The following KIAA1549 variants were observed in gnomAD, a reference collection of about 807,000 sequenced individuals.
KIAA1549 encodes the protein KIAA1549, also known as UPF0606 protein KIAA1549.
A neutral mutation model predicts 156.4 loss-of-function variants in KIAA1549; 70 were observed. That is an observed-to-expected ratio of 0.45 (90% CI 0.37 to 0.55). The LOEUF (loss-of-function observed/expected upper bound fraction) is 0.55. KIAA1549 is among the 20% of genes least tolerant of loss of function. The pLI is 0.00. For missense variants in KIAA1549, 2,428 were observed against 2,540.9 expected (o/e 0.96, Z 0.96); for synonymous variants, 1,103 against 1,066.4 (o/e 1.03, Z -0.67).
At chr7:138,886,404 A>AGCT (rs1313411872) in intron 10 of KIAA1549, among the ~76,000 whole-genome samples, 1 of 152,068 alleles carries the variant, frequency 6.6e-6, no homozygotes, top group Non-Finnish European at 1.5e-5. Context: ...CCTCCCAAGG[A>AGCT]GCTGGGACCA....
At chr7:138,838,233 A>G in intron 19 of KIAA1549, 73 bp from the exon 20 acceptor site, 30 of 1,426,392 alleles carry the variant, frequency 2.1e-5, no homozygotes, top group Non-Finnish European at 2.6e-5. Flanking sequence ...AACTGGCTTT[A>G]GGAAGGTTCC....
chr7:138,903,472 C>T, intron 8 of KIAA1549, 116 bp downstream of exon 8: 2 of 1,093,736 alleles, frequency 1.8e-6, no homozygotes, highest in East Asian at 5.2e-5. Context: ...TCAGAAATTT[C>T]TCATGGCACT....
At chr7:138,859,831 GC>G (rs1311022455) in intron 16 of KIAA1549, among the ~76,000 whole-genome samples, 1 of 152,190 alleles carries the variant, frequency 6.6e-6, no homozygotes, top group South Asian at 2.1e-4. Flanking sequence ...TCCATCTGAA[GC>G]CTGTCCCATA....
rs539623527 is a variant in KIAA1549 at position 138,971,515 on chromosome 7, C to G, written c.187+9568G>C. Among the ~76,000 whole-genome samples the G allele has an allele frequency of 2.6e-5, 4 of 152,248 alleles. No individual in the cohort carries two copies. The South Asian group carries it at 8.3e-4, about 32-fold the overall frequency. On this transcript the variant is annotated intron_variant, in intron 1 of 19. Transcript: ENST00000422774. ...AGACTGGCTTCTTCCTAGCCCTCAC[C>G]TGCACAGATGGCCTCCACCTTACCA... is the stretch of plus-strand genomic sequence containing the variant.
chr7:138,964,944 G>A (rs1371126159), intron 1 of KIAA1549, among the ~76,000 whole-genome samples: 1 of 150,792 alleles, frequency 6.6e-6, no homozygotes, highest in Non-Finnish European at 1.5e-5. Context: ...TCATAGCAGT[G>A]TTTTTTTTCT....
chr7:138,841,501 C>A (rs1809917075), intron 18 of KIAA1549, among the ~76,000 whole-genome samples: 1 of 152,150 alleles, frequency 6.6e-6, no homozygotes, highest in Non-Finnish European at 1.5e-5. Context: ...CCCTCACCAA[C>A]TTCTGTCGTA....
intron 1 of KIAA1549, among the ~76,000 whole-genome samples, chr7:138,968,654 T>C (rs112826312): frequency 0.23 from 34,169 of 151,434 alleles, 4,676 homozygotes; most frequent in African/African-American, 0.38. Flanking sequence ...GAGACCATCC[T>C]GGCTAACACG....
At position 138,917,931 on chromosome 7, in the gene KIAA1549, G is replaced by A. The variant is rs374765803; in HGVS notation, c.1695C>T (p.Leu565=). Residue 565 remains leucine (L), a synonymous_variant, in exon 2 of 20, where the codon CTC becomes CTT. Coordinates refer to ENST00000422774, the MANE Select transcript of KIAA1549 (RefSeq NM_001164665.2). The stretch of plus-strand genomic sequence containing the variant: ...CTATGACAGAGAAAGATGAGTCAAG[G>A]AGAATGCTGGTGATGACCGAGAAAA... ...TAFFSVITSI[L]LDSSFSVIAN... The A allele has an allele frequency of 3.6e-5, 58 of 1,596,402 alleles. No homozygotes were observed. The highest frequency in any genetic ancestry group is 5.4e-5 in the African/African-American group (4 of 74,626).
chr7:138,937,964 C>A (rs575225224), intron 1 of KIAA1549, among the ~76,000 whole-genome samples: 87 of 152,158 alleles, frequency 5.7e-4, no homozygotes, highest in African/African-American at 2.0e-3. Flanking sequence ...TCAGGAGGGG[C>A]CACCTTTAGG....
intron 17 of KIAA1549, among the ~76,000 whole-genome samples, chr7:138,848,753 T>C (rs1482466763): frequency 6.6e-6 from 1 of 152,042 alleles, no homozygotes; most frequent in Admixed American, 6.5e-5. Context: ...ACTGGTACCT[T>C]TCCCTCCTTC....
intron 1 of KIAA1549, among the ~76,000 whole-genome samples, chr7:138,958,790 A>C (rs987666223): frequency 6.6e-6 from 1 of 152,170 alleles, no homozygotes; most frequent in African/African-American, 2.4e-5. Flanking sequence ...GATCCAAACA[A>C]ACCAGTATGA....
In KIAA1549 at chr7:138,981,272, C is replaced by A; in HGVS notation, c.-3G>T. 1 of 975,372 alleles carries A rather than the reference C, an allele frequency of 1.0e-6. No individual in the cohort carries two copies. Among genetic ancestry groups the A allele is most frequent in the South Asian group, 4.6e-5 (1 of 21,618 alleles). The allele number at this position is 975,372 out of a possible 1,614,324, so 60.4% of individuals were successfully genotyped here. A position where few individuals can be genotyped will look rare whatever the true frequency, so the allele number is the denominator to read the frequency against. ...CGTCGGCGCCGCGCCCCCGGCATTC[C>A]CGGCCGGCGCCCCGGCCCGGCCTCG... On this transcript the variant is annotated 5_prime_UTR_variant, in exon 1 of 20. Transcript: ENST00000422774. The surrounding 1 kb of genome is among the most constrained non-coding windows in gnomAD (Gnocchi z 4.5).
At chr7:138,842,956 T>C (rs1291211613) in intron 18 of KIAA1549, among the ~76,000 whole-genome samples, 1 of 152,170 alleles carries the variant, frequency 6.6e-6, no homozygotes, top group African/African-American at 2.4e-5. Flanking sequence ...CCCCAATATT[T>C]TGGATTTTAG....
At chr7:138,931,558 C>T (rs1485145573) in intron 1 of KIAA1549, among the ~76,000 whole-genome samples, 1 of 151,540 alleles carries the variant, frequency 6.6e-6, no homozygotes, top group African/African-American at 2.4e-5. Flanking sequence ...TCAAGACCAG[C>T]CTGGCCAACA....
intron 1 of KIAA1549, among the ~76,000 whole-genome samples, chr7:138,928,914 A>AT (rs200440393): frequency 0.015 from 2,304 of 152,302 alleles, 62 homozygotes; most frequent in African/African-American, 0.052. Context: ...TAAAAAATAC[A>AT]TTAAAAAAAA....
At chr7:138,964,827 A>C (rs1336340710) in intron 1 of KIAA1549, among the ~76,000 whole-genome samples, 1 of 152,260 alleles carries the variant, frequency 6.6e-6, no homozygotes, top group Non-Finnish European at 1.5e-5. Flanking sequence ...GGCAATATGC[A>C]TCAAAATTTA....
chr7:138,856,177 G>C (rs1235378078), intron 16 of KIAA1549, among the ~76,000 whole-genome samples: 1 of 151,320 alleles, frequency 6.6e-6, no homozygotes, highest in Non-Finnish European at 1.5e-5. Context: ...GACTACAGGT[G>C]CCCGCCACCA....
At chr7:138,950,076 G>A (rs994355578) in intron 1 of KIAA1549, among the ~76,000 whole-genome samples, 3 of 152,292 alleles carry the variant, frequency 2.0e-5, no homozygotes, top group East Asian at 3.9e-4. Context: ...ATTGCCATGT[G>A]CTGACTTAAT....
intron 1 of KIAA1549, among the ~76,000 whole-genome samples, chr7:138,948,456 T>G (rs1049483250): frequency 6.6e-6 from 1 of 152,156 alleles, no homozygotes; most frequent in Non-Finnish European, 1.5e-5. Context: ...AGAGGTAGCA[T>G]GGCCCCGCCA....
Sources: gnomAD v4.1 joint callset for allele counts (sites outside exome capture counted in the v4.1 genomes callset) on GRCh38, gnomAD v4.1.1 for gene constraint, Gnocchi (gnomAD v3.1) non-coding constraint, MANE v1.5 for transcripts, NCBI Gene and HGNC (gene_info 2026-07-23, HGNC 2026-07-21) for gene names.